COL15A1: variants seen among roughly 807,000 people sequenced by gnomAD.
COL15A1 encodes the protein collagen alpha-1(XV) chain.
Under a neutral mutation model 165.9 loss-of-function variants are expected in COL15A1, and 111 were observed. That is an observed-to-expected ratio of 0.67 (90% CI 0.57 to 0.78). The LOEUF (loss-of-function observed/expected upper bound fraction) is 0.78. Ranked by LOEUF, COL15A1 falls within the 30% of genes least tolerant of loss-of-function variation. The pLI, the probability that COL15A1 is intolerant of heterozygous loss-of-function variation, is 0.00. For missense variants in COL15A1, 1,745 were observed against 1,789.7 expected, an observed-to-expected ratio of 0.98 and a Z score of 0.45; for synonymous variants, 659 against 674.8, an observed-to-expected ratio of 0.98 and a Z score of 0.36.
chr9:99,064,862 C>A (rs1317297535), intron 39 of COL15A1, among the ~76,000 whole-genome samples: 2 of 152,154 alleles, frequency 1.3e-5, no homozygotes, highest in Non-Finnish European at 2.9e-5. Flanking sequence ...AAAGTTAGGG[C>A]AGTAGCTAAA....
intron 2 of COL15A1, among the ~76,000 whole-genome samples, chr9:98,983,122 A>AT (rs965149813): frequency 1.3e-4 from 20 of 152,070 alleles, no homozygotes; most frequent in Non-Finnish European, 2.1e-4. Flanking sequence ...TTTATACTGT[A>AT]TTTTTTTGTG....
intron 2 of COL15A1, among the ~76,000 whole-genome samples, chr9:98,973,849 G>A (rs529889589): frequency 1.4e-3 from 212 of 152,332 alleles, no homozygotes; most frequent in African/African-American, 4.8e-3. Flanking sequence ...AAACACTGGC[G>A]GGAGACAAGG....
chr9:98,979,489 C>A (rs1254897608), intron 2 of COL15A1, among the ~76,000 whole-genome samples: 1 of 152,036 alleles, frequency 6.6e-6, no homozygotes, highest in Non-Finnish European at 1.5e-5. Context: ...ATTTTAATTT[C>A]TTTTACTGTG....
intron 9 of COL15A1, among the ~76,000 whole-genome samples, chr9:99,011,440 G>A (rs1235751897): frequency 2.9e-5 from 4 of 137,418 alleles, no homozygotes; most frequent in Non-Finnish European, 6.1e-5. Context: ...TTTATTCTAG[G>A]ACAAAATTTA....
intron 35 of COL15A1, among the ~76,000 whole-genome samples, chr9:99,057,236 T>TA (rs1825734916): frequency 6.6e-6 from 1 of 152,240 alleles, no homozygotes; most frequent in Non-Finnish European, 1.5e-5. Flanking sequence ...TTTTTGATTA[T>TA]AGCCATCCTA....
rs747424432 is a variant in COL15A1 at position 99,066,910 on chromosome 9, T to G, written c.3680T>G (p.Phe1227Cys). The G allele has an allele frequency of 8.7e-6, 14 of 1,613,902 alleles. No individual in the cohort carries two copies. The African/African-American group carries it at 9.3e-5, about 11-fold the overall frequency. Residue 1227 changes from phenylalanine to cysteine, a missense_variant, in exon 40 of 42, where the codon TTT (phenylalanine) becomes TGT (cysteine). Coordinates refer to ENST00000375001, the MANE Select transcript of COL15A1 (RefSeq NM_001855.5). ...ALHLAALNMP[F>C]SGDIRADFQC... The stretch of plus-strand genomic sequence containing the variant: ...CATTTGGCTGCTCTGAACATGCCAT[T>G]TTCTGGGGACATTCGAGCTGATTTT...
In COL15A1 at chr9:98,987,220, A is replaced by AC; in HGVS notation, c.649-73dup. ...TTACCTGTTCGTCTCCATTGCCAAA[A>AC]CAATCATGTCTTCCACTGGCAGTCA... On this transcript the variant is annotated intron_variant, in intron 3 of 41. Coordinates refer to ENST00000375001, the MANE Select transcript of COL15A1 (RefSeq NM_001855.5). 2.1e-6 allele frequency: 3 copies of AC among 1,444,034 alleles called. No individual in the cohort carries two copies. In the Admixed American group the frequency reaches 5.3e-5, roughly 26 times the overall value. The allele number at this position is 1,444,034 out of a possible 1,614,324, so 89.5% of individuals were successfully genotyped here.
At chr9:99,042,249 A>G (rs561771023) in intron 24 of COL15A1, 142 bp downstream of exon 24, 16 of 614,264 alleles carry the variant, frequency 2.6e-5, no homozygotes, top group Non-Finnish European at 3.7e-5. Context: ...AAATTGTACA[A>G]TTCAGTGATT....
chr9:98,987,179 C>T, intron 3 of COL15A1, 115 bp from the exon 4 acceptor site: 3 of 999,018 alleles, frequency 3.0e-6, no homozygotes, highest in Non-Finnish European at 4.6e-6. Flanking sequence ...GGCTGTACAT[C>T]CTCATTCCCA....
intron 6 of COL15A1, among the ~76,000 whole-genome samples, chr9:98,998,634 A>G (rs188092111): frequency 2.8e-4 from 43 of 152,296 alleles, no homozygotes; most frequent in Admixed American, 2.0e-3. Flanking sequence ...GCAGTTGTGG[A>G]AGTGGCTTCT....
intron 5 of COL15A1, among the ~76,000 whole-genome samples, chr9:98,993,163 C>A (rs1024590603): frequency 1.3e-5 from 2 of 152,166 alleles, no homozygotes; most frequent in Admixed American, 1.3e-4. Flanking sequence ...ATAGAGTGGA[C>A]CTGCCTCATA....
chr9:99,058,261 T>C (rs1308633152), intron 35 of COL15A1, among the ~76,000 whole-genome samples: 1 of 152,214 alleles, frequency 6.6e-6, no homozygotes, highest in Non-Finnish European at 1.5e-5. Context: ...AGGGTCCTGA[T>C]GGGCCTGACT....
In COL15A1 at chr9:99,015,583, G is replaced by A. The variant is rs1838918123; in HGVS notation, c.1503+17G>A. On this transcript the variant is annotated intron_variant, in intron 10 of 41. Transcript: ENST00000375001. ...GTCACTTCTGTAAGTGTCATCTTGTGTCCTCTCTGGCTCACAGGGGAGAGA... is the reference window on the plus strand; with the variant it reads ...GTCACTTCTGTAAGTGTCATCTTGTATCCTCTCTGGCTCACAGGGGAGAGA... The A allele has an allele frequency of 6.2e-7, 1 of 1,611,818 alleles. No individual in the cohort carries two copies. The highest frequency in any genetic ancestry group is 1.3e-5 in the African/African-American group (1 of 75,010).
intron 2 of COL15A1, among the ~76,000 whole-genome samples, chr9:98,980,112 A>T (rs1838211609): frequency 6.6e-6 from 1 of 152,004 alleles, no homozygotes; most frequent in Non-Finnish European, 1.5e-5. Flanking sequence ...GTGAGCTGTG[A>T]TCATGCCACT....
rs910972260 is a variant in COL15A1, at chr9:99,015,305, A to C, written c.1354-112A>C. On this transcript the variant is annotated intron_variant, in intron 9 of 41. Transcript: ENST00000375001. ...CTGGAGGAGCAAAGGAAAGGGAATC[A>C]TGGAGCCTCCAGTTATCTGAGGCTT... is the stretch of plus-strand genomic sequence containing the variant. The C allele has an allele frequency of 1.4e-5, 10 of 727,976 alleles. No individual in the cohort carries two copies. The South Asian group carries it at 1.6e-4, about 12-fold the overall frequency. 45.1% of individuals were successfully genotyped at this position (727,976 alleles called of 1,614,324 possible).
At chr9:99,063,132 A>G (rs1173382493) in intron 39 of COL15A1, 23 bp downstream of exon 39, 4 of 1,572,550 alleles carry the variant, frequency 2.5e-6, no homozygotes, top group Non-Finnish European at 3.4e-6. Flanking sequence ...TATACATTTA[A>G]TCTTCAAATA....
chr9:99,007,657 C>T (rs1422881686), intron 9 of COL15A1, among the ~76,000 whole-genome samples: 2 of 152,176 alleles, frequency 1.3e-5, no homozygotes, highest in Non-Finnish European at 2.9e-5. Flanking sequence ...GGTCATATTA[C>T]TCTGAAGTCC....
intron 2 of COL15A1, among the ~76,000 whole-genome samples, chr9:98,944,791 T>C (rs1588484826): frequency 6.6e-6 from 1 of 152,220 alleles, no homozygotes; most frequent in African/African-American, 2.4e-5. Context: ...CCACCGGTGG[T>C]GGAAAGAGCT....
At chr9:99,013,438 TG>T (rs1223491398) in intron 9 of COL15A1, among the ~76,000 whole-genome samples, 1 of 151,850 alleles carries the variant, frequency 6.6e-6, no homozygotes, top group Non-Finnish European at 1.5e-5. Flanking sequence ...TCATGCAAAA[TG>T]CTCACACTAG....
Sources: gnomAD v4.1 joint callset for allele counts (sites outside exome capture counted in the v4.1 genomes callset) on GRCh38, gnomAD v4.1.1 for gene constraint, MANE v1.5 for transcripts, NCBI Gene and HGNC (gene_info 2026-07-23, HGNC 2026-07-21) for gene names.